The following TAPT1 variants were observed in gnomAD, a reference collection of about 807,000 sequenced individuals.
TAPT1 encodes the protein transmembrane anterior posterior transformation 1.
In TAPT1, 28 loss-of-function variants were observed where a neutral mutation model predicts 65.6. That is an observed-to-expected ratio of 0.43 (90% CI 0.32 to 0.59). The LOEUF (loss-of-function observed/expected upper bound fraction) is 0.59. TAPT1 is among the 20% of genes least tolerant of loss of function. The pLI, the probability that TAPT1 is intolerant of heterozygous loss-of-function variation, is 0.09. For missense variants in TAPT1, 563 were observed against 679.9 expected (o/e 0.83, Z 1.91); for synonymous variants, 278 against 245.2 (o/e 1.13, Z -1.25).
At chr4:16,214,857 C>G (rs1446107415) in intron 1 of TAPT1, among the ~76,000 whole-genome samples, 3 of 152,148 alleles carry the variant, frequency 2.0e-5, no homozygotes, top group Non-Finnish European at 4.4e-5. Context: ...TCCTTTCTAC[C>G]AAATGTGGTC....
At chr4:16,173,659 G>A in intron 11 of TAPT1, among the ~76,000 whole-genome samples, 1 of 152,106 alleles carries the variant, frequency 6.6e-6, no homozygotes, top group East Asian at 1.9e-4. Context: ...GTCTTCATTT[G>A]GGCATACCAT....
At chr4:16,185,301 T>C (rs1748940940) in intron 7 of TAPT1, among the ~76,000 whole-genome samples, 1 of 152,176 alleles carries the variant, frequency 6.6e-6, no homozygotes, top group South Asian at 2.1e-4. Flanking sequence ...TTTCTCAGTT[T>C]TCATTTCGAA....
intron 1 of TAPT1, chr4:16,225,815 G>T (rs1220932233): frequency 2.2e-5 from 20 of 903,156 alleles, no homozygotes; most frequent in Non-Finnish European, 2.6e-5. Context: ...TACTTGCAGG[G>T]CAAGTTAACA....
intron 7 of TAPT1, among the ~76,000 whole-genome samples, chr4:16,183,793 T>G (rs1748849508): frequency 6.6e-6 from 1 of 152,180 alleles, no homozygotes; most frequent in Admixed American, 6.5e-5. Flanking sequence ...CCCTCCTTCC[T>G]CTTTCATTTC....
At chr4:16,199,023 T>A (rs1749880857) in intron 3 of TAPT1, among the ~76,000 whole-genome samples, 1 of 152,194 alleles carries the variant, frequency 6.6e-6, no homozygotes, top group South Asian at 2.1e-4. Flanking sequence ...AAACCATACT[T>A]AAGGCACTAA....
At chr4:16,189,800 CAAT>C (rs1208745374) in intron 4 of TAPT1, among the ~76,000 whole-genome samples, 4 of 152,258 alleles carry the variant, frequency 2.6e-5, no homozygotes, top group South Asian at 2.1e-4. Context: ...TTTCTAGTAA[CAAT>C]AATAATACTA....
chr4:16,190,586 C>A, intron 4 of TAPT1: 1 of 153,086 alleles, frequency 6.5e-6, no homozygotes, highest in South Asian at 2.1e-4. Flanking sequence ...TCATCCGCCC[C>A]GCCTCAGCCT....
At position 16,163,494 on chromosome 4, in the gene TAPT1, T is replaced by C. The variant is rs1178488025; in HGVS notation, c.1518A>G (p.Gln506=). The C allele has an allele frequency of 6.2e-6, 10 of 1,613,866 alleles. No homozygotes were observed. The East Asian group carries it at 2.0e-4, about 32-fold the overall frequency. ...TGATATTTTCCTTTTGATGAATAGG[T>C]TGTTTGGTGATGGAGGCAGACAGGT... ...EENLSASITK[Q]PIHQKENIIP... is the part of the protein sequence containing the mutation. The change falls in exon 14 of 14, where the codon CAA becomes CAG. Residue 506 remains glutamine (Q), a synonymous_variant. Coordinates refer to ENST00000405303, the MANE Select transcript of TAPT1 (RefSeq NM_153365.3).
chr4:16,171,933 C>A (rs149602110), intron 11 of TAPT1, among the ~76,000 whole-genome samples: 1 of 151,942 alleles, frequency 6.6e-6, no homozygotes, highest in African/African-American at 2.4e-5. Context: ...CCCAATGTAA[C>A]GCTTAGAAGA....
At chr4:16,219,556 C>T (rs1234670044) in intron 1 of TAPT1, among the ~76,000 whole-genome samples, 2 of 152,226 alleles carry the variant, frequency 1.3e-5, no homozygotes, top group Non-Finnish European at 2.9e-5. Flanking sequence ...TAAAGAAATA[C>T]TAACCACAAC....
chr4:16,197,769 T>C (rs1432605854), intron 3 of TAPT1, among the ~76,000 whole-genome samples: 1 of 152,224 alleles, frequency 6.6e-6, no homozygotes, highest in African/African-American at 2.4e-5. Flanking sequence ...AAATGATTTC[T>C]AAAATGACAC....
At chr4:16,226,993 C>T (rs1265712374), upstream of TAPT1, 1 of 451,218 alleles carries the variant, frequency 2.2e-6, no homozygotes, top group South Asian at 1.6e-5. Flanking sequence ...GCTGGCGCGG[C>T]CGCGGCGGCG....
chr4:16,164,628 A>C (rs1747463638), intron 13 of TAPT1, among the ~76,000 whole-genome samples: 1 of 152,134 alleles, frequency 6.6e-6, no homozygotes, highest in South Asian at 2.1e-4. Flanking sequence ...GATGGGACTC[A>C]CTAGGTTGCC....
chr4:16,195,145 T>C (rs916623006), intron 3 of TAPT1, among the ~76,000 whole-genome samples: 1 of 152,214 alleles, frequency 6.6e-6, no homozygotes, highest in Non-Finnish European at 1.5e-5. Context: ...ACAGCCTCTT[T>C]CTAAGAAAAG....
chr4:16,180,717 C>T (rs923437414), intron 7 of TAPT1, among the ~76,000 whole-genome samples: 2 of 152,140 alleles, frequency 1.3e-5, no homozygotes, highest in African/African-American at 4.8e-5. Flanking sequence ...TCTCTGTAAG[C>T]GAGTTGGCCT....
chr4:16,202,696 A>G, intron 2 of TAPT1, 116 bp from the exon 3 acceptor site: 3 of 568,998 alleles, frequency 5.3e-6, no homozygotes, highest in Non-Finnish European at 9.3e-6. Flanking sequence ...CTTAAAACTT[A>G]GCCCTGGGAA....
rs11724423 is a variant in TAPT1, at chr4:16,166,889, C to A, written c.1314-96G>T. The A allele has an allele frequency of 0.2, 248,265 of 1,221,954 alleles. 27,475 individuals are homozygous for A. Among genetic ancestry groups the A allele is most frequent in the East Asian group, 0.28 (11,571 of 41,606 alleles). 75.7% of individuals were successfully genotyped at this position (1,221,954 alleles called of 1,614,324 possible). A position where few individuals can be genotyped will look rare whatever the true frequency, so the allele number is the denominator to read the frequency against. On this transcript the variant is annotated intron_variant, in intron 12 of 13. Coordinates refer to ENST00000405303, the MANE Select transcript of TAPT1 (RefSeq NM_153365.3). The stretch of plus-strand genomic sequence containing the variant: ...CATGGCTAAGGAGAAGGTGGGGGGG[C>A]ATGGGACGGTGACAGATTAGGGATT...
intron 2 of TAPT1, among the ~76,000 whole-genome samples, chr4:16,212,376 A>G (rs1297170839): frequency 2.6e-5 from 4 of 152,230 alleles, no homozygotes; most frequent in Non-Finnish European, 5.9e-5. Flanking sequence ...GTGTCCTCAC[A>G]CTTCCATCTC....
At position 16,226,351 on chromosome 4, in the gene TAPT1, C is replaced by T; in HGVS notation, c.107G>A (p.Gly36Asp). The T allele has an allele frequency of 9.0e-7, 1 of 1,114,190 alleles. No individual in the cohort carries two copies. The highest frequency in any genetic ancestry group is 1.1e-6 in the Non-Finnish European group (1 of 913,374). 69.0% of individuals were successfully genotyped at this position (1,114,190 alleles called of 1,614,324 possible). Residue 36 changes from glycine to aspartate, a missense_variant, in exon 1 of 14, where the codon GGC becomes GAC. Gly to Asp is a moderately conservative substitution (Grantham distance 94, BLOSUM62 -1). Transcript: ENST00000405303. ...RGEAEQPGGS[G>D]GQGPPPAPQL... ...AGGCGCCGGCGGGGGCCCCTGTCCG[C>T]CGCTGCCGCCCGGCTGCTCCGCCTC...
Sources: gnomAD v4.1 joint callset for allele counts (sites outside exome capture counted in the v4.1 genomes callset) on GRCh38, gnomAD v4.1.1 for gene constraint, MANE v1.5 for transcripts, NCBI Gene and HGNC (gene_info 2026-07-23, HGNC 2026-07-21) for gene names.